NADK: variants seen among roughly 807,000 people sequenced by gnomAD.
NADK encodes poly(P)/ATP NAD kinase.
In NADK, 22 loss-of-function variants were observed where a neutral mutation model predicts 49.8. The ratio of observed to expected loss-of-function variants is 0.44; its 90% confidence interval spans 0.32 to 0.63. The LOEUF (loss-of-function observed/expected upper bound fraction) is 0.63, where lower values mean the gene tolerates loss of function less well. Ranked by LOEUF, NADK falls within the 30% of genes least tolerant of loss-of-function variation. NADK has a pLI of 0.06. For synonymous variants in NADK, 268 were observed against 253.7 expected (o/e 1.06, Z -0.54); for missense variants, 438 against 609.4 (o/e 0.72, Z 2.96).
intron 3 of NADK, 66 bp downstream of exon 3, chr1:1,761,886 C>A: frequency 1.3e-6 from 2 of 1,492,642 alleles, no homozygotes; most frequent in Non-Finnish European, 1.9e-6. Context: ...GCCCCCGGCA[C>A]TCACATGATG....
chr1:1,770,364 TAAAC>T (rs1646011224), intron 1 of NADK, among the ~76,000 whole-genome samples: 1 of 152,118 alleles, frequency 6.6e-6, no homozygotes, highest in African/African-American at 2.4e-5. Context: ...GTAGGTCTGT[TAAAC>T]AAAATAAGAA....
intron 1 of NADK, among the ~76,000 whole-genome samples, chr1:1,771,055 A>AT (rs1553187659): frequency 0.038 from 5,012 of 131,706 alleles, 115 homozygotes; most frequent in African/African-American, 0.059. Flanking sequence ...AAAAAAAAAA[A>AT]ATATATATAT....
At chr1:1,759,546 C>T (rs1325123536) in intron 3 of NADK, among the ~76,000 whole-genome samples, 5 of 152,226 alleles carry the variant, frequency 3.3e-5, no homozygotes, top group African/African-American at 7.2e-5. Flanking sequence ...CACCAGGCGC[C>T]CCCACAGGGT....
chr1:1,766,665 AC>A lies in NADK; in HGVS notation c.-40-1220del, dbSNP rs1308461599. On this transcript the variant is annotated intron_variant, in intron 1 of 11. Coordinates refer to ENST00000341426, the MANE Select transcript of NADK (RefSeq NM_023018.5). ...AAAACTGGTGAGGATAGAAAACCTC[AC>A]CCTTTTTTCCCCTTTTTCTTTTTCT... Among the ~76,000 whole-genome samples, 186 of 147,094 alleles carry A rather than the reference AC, an allele frequency of 1.3e-3. 2 individuals carry two copies. The highest frequency in any genetic ancestry group is 6.2e-3 in the South Asian group (29 of 4,660).
chr1:1,762,327 G>T (rs1215204068), intron 2 of NADK, among the ~76,000 whole-genome samples: 1 of 152,188 alleles, frequency 6.6e-6, no homozygotes, highest in Admixed American at 6.5e-5. Flanking sequence ...GCCAGCCTGG[G>T]ATCAGAATTC....
chr1:1,766,563 T>C (rs1360426343), intron 1 of NADK, among the ~76,000 whole-genome samples: 1 of 151,994 alleles, frequency 6.6e-6, no homozygotes, highest in Admixed American at 6.6e-5. Flanking sequence ...GCAGATATGT[T>C]GTGAACTCCA....
chr1:1,763,194 G>T (rs894753684), intron 2 of NADK, among the ~76,000 whole-genome samples: 1 of 152,212 alleles, frequency 6.6e-6, no homozygotes, highest in African/African-American at 2.4e-5. Context: ...TTAAAAATTG[G>T]TAAGTACAGG....
At chr1:1,762,581 C>T (rs1570544575) in intron 2 of NADK, among the ~76,000 whole-genome samples, 2 of 151,856 alleles carry the variant, frequency 1.3e-5, no homozygotes, top group East Asian at 3.9e-4. Flanking sequence ...CATGGTGAAA[C>T]CCCCATCCTT....
chr1:1,754,052 T>A lies in NADK; in HGVS notation c.1100A>T (p.Lys367Met). Residue 367 changes from lysine (K) to methionine (M), a missense_variant and splice_region_variant, in exon 10 of 12, where the codon AAG becomes ATG. By Grantham distance (95) the Lys-to-Met change is moderately conservative. Transcript: ENST00000341426. The surrounding 1 kb of genome is among the most constrained non-coding windows in gnomAD (Gnocchi z 4.3). ...PIVVPAGVEL[K>M]IMLSPEARNT... Reference sequence around the variant, plus strand: ...AAAAGGAGTGTCGTTGGCTCTGACCTTCAGCTCGACCCCTGCGGGGACCAC... The same window carrying A: ...AAAAGGAGTGTCGTTGGCTCTGACCATCAGCTCGACCCCTGCGGGGACCAC... 2 of 1,576,988 alleles carry A rather than the reference T, an allele frequency of 1.3e-6. No homozygotes were observed. Among genetic ancestry groups the A allele is most frequent in the Non-Finnish European group, 1.7e-6 (2 of 1,161,442 alleles).
At chr1:1,753,119 A>G (rs1461193414) in intron 11 of NADK, 59 bp from the exon 12 acceptor site, 9 of 1,550,554 alleles carry the variant, frequency 5.8e-6, no homozygotes, top group South Asian at 2.4e-5. Flanking sequence ...CCCCCGGCCA[A>G]GAACCCTTCC....
chr1:1,754,164 C>T lies in NADK; in HGVS notation c.988G>A (p.Ala330Thr), dbSNP rs750455546. The change falls in exon 10 of 12, where the codon GCG (alanine) becomes ACG (threonine). Residue 330 changes from alanine to threonine, a missense_variant. By Grantham distance (58) the Ala-to-Thr change is moderately conservative (BLOSUM62 0). Transcript: ENST00000341426. This position sits in a 1 kb window ranked among gnomAD's most constrained non-coding sequence, Gnocchi z 4.3. Reference protein sequence around the residue: ...TPTGSTAYAAAAGASMIHPNV... With the variant: ...TPTGSTAYAATAGASMIHPNV... ...GGGTGGATCATGGAGGCCCCGGCCG[C>T]GGCCGCATACGCCGTGCTGCCCGTC... is the stretch of plus-strand genomic sequence containing the variant. 19 of 1,612,106 alleles carry T rather than the reference C, an allele frequency of 1.2e-5. No individual in the cohort carries two copies. The highest frequency in any genetic ancestry group is 2.2e-5 in the East Asian group (1 of 44,866).
intron 1 of NADK, among the ~76,000 whole-genome samples, chr1:1,771,182 T>A (rs1160732906): frequency 3.3e-5 from 5 of 150,958 alleles, no homozygotes; most frequent in Non-Finnish European, 7.4e-5. Context: ...GGGGATATAT[T>A]TGGCAAAAGA....
intron 3 of NADK, among the ~76,000 whole-genome samples, chr1:1,760,083 G>A (rs914933642): frequency 2.6e-5 from 4 of 152,226 alleles, no homozygotes; most frequent in East Asian, 1.9e-4. Context: ...AGGCCGCGGC[G>A]AGTGGTCAGG....
At chr1:1,771,158 AATATAAAATATGTGGGG>A (rs1008001097) in intron 1 of NADK, among the ~76,000 whole-genome samples, 7 of 150,186 alleles carry the variant, frequency 4.7e-5, no homozygotes, top group Admixed American at 2.0e-4. Flanking sequence ...TAGCATTAAA[AATATAAAATATGTGGGG>A]ATATATTTGG....
intron 7 of NADK, 62 bp downstream of exon 7, chr1:1,755,308 CGCAA>C: frequency 8.6e-7 from 1 of 1,157,348 alleles, no homozygotes; most frequent in South Asian, 1.3e-5. Context: ...ATAAACCCCC[CGCAA>C]GCAAGCGAGA....
chr1:1,775,023 C>T (rs968973245), intron 1 of NADK, among the ~76,000 whole-genome samples: 29 of 152,000 alleles, frequency 1.9e-4, no homozygotes, highest in Admixed American at 1.2e-3. Context: ...GCAGGAGAAT[C>T]GCTTGAACCC....
chr1:1,773,476 C>G (rs72634846), intron 1 of NADK, among the ~76,000 whole-genome samples: 59,253 of 149,840 alleles, frequency 0.4, 14,075 homozygotes, highest in Admixed American at 0.55. Context: ...AAAGGTCAGA[C>G]ACAGTGGCTC....
At position 1,752,932 on chromosome 1, in the gene NADK, T is replaced by TCC; in HGVS notation, c.1311_1312dup (p.Glu438GlyfsTer38). On this transcript the variant is annotated frameshift_variant, in exon 12 of 12. Coordinates refer to ENST00000341426, the MANE Select transcript of NADK (RefSeq NM_023018.5). LOFTEE classifies it high-confidence loss of function. ...GCCCTCCTCCTCCTCCTCCTCCTCC[T>TCC]CCTCGAAGTGGGCTTGCTTCTTCCG... The TCC allele has an allele frequency of 6.2e-7, 1 of 1,602,852 alleles. No individual in the cohort carries two copies. The highest frequency in any genetic ancestry group is 8.5e-7 in the Non-Finnish European group (1 of 1,175,066).
chr1:1,767,664 C>T (rs1211659418), intron 1 of NADK, among the ~76,000 whole-genome samples: 1 of 152,082 alleles, frequency 6.6e-6, no homozygotes, highest in Non-Finnish European at 1.5e-5. Context: ...CTGAATGTGT[C>T]CTCCCCAAAT....
Sources: gnomAD v4.1 joint callset for allele counts (sites outside exome capture counted in the v4.1 genomes callset) on GRCh38, gnomAD v4.1.1 for gene constraint, Gnocchi (gnomAD v3.1) non-coding constraint, MANE v1.5 for transcripts, NCBI Gene and HGNC (gene_info 2026-07-23, HGNC 2026-07-21) for gene names.